Variants in SBF2 observed in about 807,000 individuals in gnomAD.
The protein encoded by SBF2 is myotubularin-related protein 13.
A neutral mutation model predicts 225.2 loss-of-function variants in SBF2; 112 were observed. That is an observed-to-expected ratio of 0.50 (90% CI 0.43 to 0.58). The LOEUF is 0.58. Ranked by LOEUF, SBF2 falls within the 20% of genes least tolerant of loss-of-function variation. The pLI, the probability that SBF2 is intolerant of heterozygous loss-of-function variation, is 0.00. For synonymous variants in SBF2, 763 were observed against 773.3 expected (o/e 0.99, Z 0.22); for missense variants, 1,996 against 2,206.2 (o/e 0.90, Z 1.91).
chr11:10,016,105 C>A (rs1245732578), intron 6 of SBF2, among the ~76,000 whole-genome samples: 1 of 136,354 alleles, frequency 7.3e-6, no homozygotes, highest in Non-Finnish European at 1.7e-5. Flanking sequence ...GAACACTCTG[C>A]CCTATCCCAC....
rs1865341234 is a variant in SBF2, at chr11:9,942,887, A to G, written c.1860+19070T>C. ...AGAAAGGAAGAAAGAAAGAAAAGAA[A>G]AGAAAGAGAGAGAGAGAAAGAAAGA... On this transcript the variant is annotated intron_variant, in intron 16 of 39. Coordinates refer to ENST00000256190, the MANE Select transcript of SBF2 (RefSeq NM_030962.4). Among the ~76,000 whole-genome samples the G allele has an allele frequency of 4.3e-5, 3 of 70,040 alleles. No homozygotes were observed. In the Admixed American group the frequency reaches 6.1e-4, roughly 14 times the overall value. 45.9% of individuals were successfully genotyped at this position (70,040 alleles called of 152,430 possible).
At chr11:9,872,316 C>T (rs1417895239) in intron 17 of SBF2, among the ~76,000 whole-genome samples, 1 of 152,056 alleles carries the variant, frequency 6.6e-6, no homozygotes, top group Non-Finnish European at 1.5e-5. Flanking sequence ...TGGGGCCTGT[C>T]AGAACATCAG....
chr11:10,097,206 C>T (rs1041691674), intron 2 of SBF2, among the ~76,000 whole-genome samples: 3 of 152,202 alleles, frequency 2.0e-5, no homozygotes, highest in Non-Finnish European at 2.9e-5. Context: ...AGCATTCTCT[C>T]CTCCAGAGGA....
At chr11:10,290,739 G>A (rs988825709) in intron 1 of SBF2, among the ~76,000 whole-genome samples, 1 of 152,054 alleles carries the variant, frequency 6.6e-6, no homozygotes, top group African/African-American at 2.4e-5. Context: ...GAAATTGGAG[G>A]TATCAGTATG....
chr11:9,970,210 ATT>A (rs1172096180), intron 13 of SBF2, among the ~76,000 whole-genome samples: 15 of 138,730 alleles, frequency 1.1e-4, no homozygotes, highest in Admixed American at 2.2e-4. Context: ...CATATATCCT[ATT>A]TTTTTTTTTT....
chr11:9,897,399 G>A (rs112489109), intron 16 of SBF2, among the ~76,000 whole-genome samples: 4 of 151,992 alleles, frequency 2.6e-5, no homozygotes, highest in East Asian at 1.9e-4. Flanking sequence ...CACCACACTC[G>A]GCTAATTTTT....
chr11:10,154,910 C>G (rs1415213148), intron 2 of SBF2, among the ~76,000 whole-genome samples: 1 of 152,110 alleles, frequency 6.6e-6, no homozygotes, highest in Non-Finnish European at 1.5e-5. Flanking sequence ...ACAATGTAGT[C>G]TATTTTGACA....
At chr11:9,916,193 A>G (rs552774494) in intron 16 of SBF2, among the ~76,000 whole-genome samples, 33 of 152,210 alleles carry the variant, frequency 2.2e-4, no homozygotes, top group Non-Finnish European at 4.3e-4. Flanking sequence ...ACTATCACAA[A>G]TAACTAGGGA....
intron 33 of SBF2, chr11:9,791,229 G>T (rs1852719963): frequency 6.6e-6 from 1 of 152,148 alleles, no homozygotes; most frequent in Non-Finnish European, 1.5e-5. Context: ...AATAAAAGCA[G>T]AACTTTTATA....
intron 17 of SBF2, among the ~76,000 whole-genome samples, chr11:9,858,879 C>G (rs905709246): frequency 2.0e-5 from 3 of 152,132 alleles, no homozygotes; most frequent in African/African-American, 7.2e-5. Flanking sequence ...GAATTAGGGA[C>G]TCAGGAGAAC....
At chr11:9,795,764 T>C (rs1408086611) in intron 33 of SBF2, 67 bp downstream of exon 33, 3 of 1,553,534 alleles carry the variant, frequency 1.9e-6, no homozygotes, top group Admixed American at 1.7e-5. Flanking sequence ...AGTTACATTA[T>C]TAGAATTTTC....
At position 9,816,947 on chromosome 11, in the gene SBF2, C is replaced by G. The variant is rs1488414945; in HGVS notation, c.3871G>C (p.Ala1291Pro). 3 of 1,614,158 alleles carry G rather than the reference C, an allele frequency of 1.9e-6. No individual in the cohort carries two copies. Among genetic ancestry groups the G allele is most frequent in the Admixed American group, 1.7e-5 (1 of 60,028 alleles). ...TSFIDVGARLAGKDHSASFSN... is the reference protein window; with the variant it reads ...TSFIDVGARLPGKDHSASFSN... ...AAGGAGGCCGAGTGATCCTTGCCTG[C>G]CAGCCGGGCGCCAACATCAATGAAG... Residue 1291 changes from alanine to proline, a missense_variant, in exon 29 of 40, where the codon GCA becomes CCA. Physicochemically the swap from Ala to Pro is conservative, Grantham distance 27. Coordinates refer to ENST00000256190, the MANE Select transcript of SBF2 (RefSeq NM_030962.4).
chr11:10,117,839 T>C (rs1257866547), intron 2 of SBF2, among the ~76,000 whole-genome samples: 1 of 152,106 alleles, frequency 6.6e-6, no homozygotes, highest in Non-Finnish European at 1.5e-5. Flanking sequence ...AAAGCTGGAA[T>C]GCTGTATTCT....
intron 19 of SBF2, 55 bp downstream of exon 19, chr11:9,856,403 C>T (rs1474757612): frequency 1.2e-6 from 2 of 1,609,422 alleles, no homozygotes; most frequent in African/African-American, 1.3e-5. Flanking sequence ...TCTGTCAAGC[C>T]AAGACTGGCC....
intron 1 of SBF2, among the ~76,000 whole-genome samples, chr11:10,250,813 T>C (rs937912495): frequency 1.3e-5 from 2 of 152,152 alleles, no homozygotes; most frequent in African/African-American, 4.8e-5. Context: ...CTTGGGAAGC[T>C]TGAACCTTGG....
chr11:10,045,182 T>G (rs916557371), intron 2 of SBF2, among the ~76,000 whole-genome samples: 6 of 151,868 alleles, frequency 4.0e-5, no homozygotes, highest in Non-Finnish European at 7.4e-5. Flanking sequence ...TTTTTTTTTT[T>G]TTTTGAGATG....
At chr11:10,147,051 T>TA (rs201320634) in intron 2 of SBF2, among the ~76,000 whole-genome samples, 10,578 of 108,462 alleles carry the variant, frequency 0.098, 568 homozygotes, top group East Asian at 0.35. Context: ...TATTAAAAAG[T>TA]AAAAAAAAAA....
Position 10,042,856 on chromosome 11 carries a change from C to G in SBF2, c.267G>C (p.Glu89Asp). The G allele has an allele frequency of 6.2e-7, 1 of 1,614,002 alleles. No homozygotes were observed. The highest frequency in any genetic ancestry group is 1.1e-5 in the South Asian group (1 of 91,090). ...YCSCLTFYEA[E>D]INLQGTKKEE... is the part of the protein sequence containing the mutation. The stretch of plus-strand genomic sequence containing the variant: ...AAGGTTTTTGTACCTGAAGATTGAT[C>G]TCTGCCTCATAGAAGGTTAGGCATG... Residue 89 changes from glutamate to aspartate, a missense_variant, in exon 3 of 40, where the codon GAG becomes GAC. Glu to Asp is a conservative substitution (Grantham distance 45). Coordinates refer to ENST00000256190, the MANE Select transcript of SBF2 (RefSeq NM_030962.4).
At chr11:10,029,412 G>T (rs1208921495) in intron 5 of SBF2, among the ~76,000 whole-genome samples, 1 of 152,132 alleles carries the variant, frequency 6.6e-6, no homozygotes, top group East Asian at 1.9e-4. Context: ...TAATAAAAAT[G>T]AGATGTAACT....
Sources: gnomAD v4.1 joint callset for allele counts (sites outside exome capture counted in the v4.1 genomes callset) on GRCh38, gnomAD v4.1.1 for gene constraint, MANE v1.5 for transcripts, NCBI Gene and HGNC (gene_info 2026-07-23, HGNC 2026-07-21) for gene names.